Variants in RBFOX1 observed in about 807,000 individuals in gnomAD.
RBFOX1 encodes RNA binding protein fox-1 homolog 1.
RBFOX1 carries 8 observed loss-of-function variants against 57.7 expected under a neutral mutation model. The ratio of observed to expected loss-of-function variants is 0.14; its 90% CI spans 0.08 to 0.25. The LOEUF is 0.25. Among genes scored for constraint, RBFOX1 ranks in the 10% least tolerant of loss-of-function variants. The pLI is 1.00. For synonymous variants in RBFOX1, 326 were observed against 222.4 expected (o/e 1.47, Z -4.15); for missense variants, 611 against 548.5 (o/e 1.11, Z -1.14).
At chr16:7,554,253 G>A (rs1271567267) in intron 5 of RBFOX1, among the ~76,000 whole-genome samples, 1 of 152,214 alleles carries the variant, frequency 6.6e-6, no homozygotes, top group Non-Finnish European at 1.5e-5. Context: ...GGAATGCACA[G>A]AAATATTTAG....
At chr16:6,855,524 G>T (rs1381008163) in intron 3 of RBFOX1, among the ~76,000 whole-genome samples, 3 of 151,874 alleles carry the variant, frequency 2.0e-5, no homozygotes, top group Admixed American at 6.6e-5. Flanking sequence ...GCGATGGCAG[G>T]TGCCTGTAGT....
At chr16:7,319,597 C>G (rs2096507289) in intron 4 of RBFOX1, among the ~76,000 whole-genome samples, 1 of 152,138 alleles carries the variant, frequency 6.6e-6, no homozygotes, top group Non-Finnish European at 1.5e-5. Context: ...ACCCACCATG[C>G]TTTTCCTGGG....
chr16:5,827,561 G>A (rs1233487243), intron 3 of RBFOX1, among the ~76,000 whole-genome samples: 1 of 152,008 alleles, frequency 6.6e-6, no homozygotes, highest in Non-Finnish European at 1.5e-5. Context: ...GGTAGTAACT[G>A]TTTTAGGCTT....
At chr16:7,182,023 C>A (rs962736997) in intron 4 of RBFOX1, among the ~76,000 whole-genome samples, 2 of 152,188 alleles carry the variant, frequency 1.3e-5, no homozygotes, top group African/African-American at 4.8e-5. Context: ...ATCTAATATA[C>A]ATGACACAAA....
intron 2 of RBFOX1, among the ~76,000 whole-genome samples, chr16:6,651,207 C>T (rs575265493): frequency 1.2e-4 from 18 of 152,292 alleles, no homozygotes; most frequent in African/African-American, 4.3e-4. Flanking sequence ...CGGCCTGGAA[C>T]CCCTAATGTT....
At chr16:5,795,201 G>C (rs1020910816) in intron 3 of RBFOX1, among the ~76,000 whole-genome samples, 1 of 152,126 alleles carries the variant, frequency 6.6e-6, no homozygotes, top group African/African-American at 2.4e-5. Context: ...ATGATTCTAC[G>C]TCAGTTTCAT....
chr16:6,609,398 G>T (rs1390220182), intron 2 of RBFOX1, among the ~76,000 whole-genome samples: 1 of 152,042 alleles, frequency 6.6e-6, no homozygotes, highest in African/African-American at 2.4e-5. Flanking sequence ...AGGCTGGAGT[G>T]CAGTAGTGCA....
intron 2 of RBFOX1, among the ~76,000 whole-genome samples, chr16:6,600,476 A>G (rs1386601139): frequency 6.6e-6 from 1 of 152,238 alleles, no homozygotes; most frequent in Non-Finnish European, 1.5e-5. Flanking sequence ...GAAAAGAACC[A>G]GATAGCAGAG....
intron 1 of RBFOX1, among the ~76,000 whole-genome samples, chr16:6,061,728 T>G (rs2095688636): frequency 6.6e-6 from 1 of 152,152 alleles, no homozygotes; most frequent in South Asian, 2.1e-4. Flanking sequence ...AACAGTGTTT[T>G]CACTTTACAC....
intron 14 of RBFOX1, among the ~76,000 whole-genome samples, chr16:7,708,189 C>G (rs1196888906): frequency 2.0e-5 from 3 of 152,076 alleles, no homozygotes; most frequent in African/African-American, 7.2e-5. Context: ...CATAAAAAAT[C>G]AAGATCTGCC....
chr16:7,474,515 A>G (rs1323007726), intron 4 of RBFOX1, among the ~76,000 whole-genome samples: 3 of 152,202 alleles, frequency 2.0e-5, no homozygotes, highest in East Asian at 1.9e-4. Flanking sequence ...TGAACAGCCA[A>G]CTATTTAGGT....
intron 1 of RBFOX1, among the ~76,000 whole-genome samples, chr16:6,075,072 T>C (rs1046474535): frequency 3.9e-5 from 6 of 152,188 alleles, no homozygotes; most frequent in African/African-American, 1.4e-4. Flanking sequence ...CTAGAGAAGC[T>C]GGATGGTCAA....
chr16:7,337,272 T>G (rs994654782), intron 4 of RBFOX1, among the ~76,000 whole-genome samples: 5 of 152,098 alleles, frequency 3.3e-5, no homozygotes, highest in Non-Finnish European at 4.4e-5. Context: ...GGGTGGCTTA[T>G]GAAAACACAG....
intron 1 of RBFOX1, among the ~76,000 whole-genome samples, chr16:5,458,505 A>T (rs1466305192): frequency 6.6e-6 from 1 of 152,234 alleles, no homozygotes; most frequent in Non-Finnish European, 1.5e-5. Flanking sequence ...AATTCTCATT[A>T]GAGATAAATG....
chr16:7,207,263 G>A (rs2090184676), intron 4 of RBFOX1, among the ~76,000 whole-genome samples: 1 of 152,112 alleles, frequency 6.6e-6, no homozygotes, highest in Admixed American at 6.5e-5. Flanking sequence ...GGTTCCTCTG[G>A]TCACGTTCCG....
At chr16:7,096,294 G>C (rs1337377552) in intron 4 of RBFOX1, among the ~76,000 whole-genome samples, 1 of 152,184 alleles carries the variant, frequency 6.6e-6, no homozygotes, top group African/African-American at 2.4e-5. Flanking sequence ...TATCTGAGAA[G>C]TCCAAAGATG....
In RBFOX1 at chr16:6,727,564, C is replaced by T. The variant is rs77308337; in HGVS notation, c.-16+72914C>T. On this transcript the variant is annotated intron_variant, in intron 3 of 15. Transcript: ENST00000550418. ...ATGAGGGGAGAGGGAACCGTACAAA[C>T]AGCTCTTGGGGCCTATGCTTGAGTG... Among the ~76,000 whole-genome samples the T allele has an allele frequency of 3.3e-3, 495 of 152,212 alleles. 10 individuals are homozygous for T. The East Asian group carries it at 0.053, about 16-fold the overall frequency.
chr16:5,835,127 C>A (rs962638745), intron 3 of RBFOX1, among the ~76,000 whole-genome samples: 40 of 152,140 alleles, frequency 2.6e-4, no homozygotes, highest in African/African-American at 9.7e-4. Context: ...TAGGACCCCC[C>A]CCAGAAGTAT....
intron 4 of RBFOX1, among the ~76,000 whole-genome samples, chr16:7,472,290 G>A (rs2061697604): frequency 7.2e-6 from 1 of 139,580 alleles, no homozygotes; most frequent in Non-Finnish European, 1.5e-5. Context: ...AATACATGGA[G>A]TACCATGTAT....
Sources: allele counts gnomAD v4.1 joint callset (sites outside exome capture counted in the v4.1 genomes callset), GRCh38; gene constraint gnomAD v4.1.1; transcripts MANE v1.5; gene names NCBI Gene and HGNC (gene_info 2026-07-23, HGNC 2026-07-21).